Variants in LSM14A observed in about 807,000 individuals in gnomAD.
LSM14A encodes LSM14A mRNA processing body assembly factor.
In LSM14A, 14 loss-of-function variants were observed where a neutral mutation model predicts 52.4. The observed-to-expected ratio is 0.27, with a 90% CI of 0.18 to 0.42. LSM14A has a LOEUF of 0.42. LSM14A is among the 10% of genes least tolerant of loss of function. LSM14A has a pLI of 1.00. For missense variants in LSM14A, 417 were observed against 581.8 expected (o/e 0.72, Z 2.91); for synonymous variants, 185 against 200.3 (o/e 0.92, Z 0.64).
At chr19:34,191,584 T>C (rs1013555094) in intron 1 of LSM14A, among the ~76,000 whole-genome samples, 2 of 152,146 alleles carry the variant, frequency 1.3e-5, no homozygotes, top group Non-Finnish European at 2.9e-5. Context: ...TTCTACTCTT[T>C]TTTTCTTTAG....
chr19:34,188,675 G>A (rs1044556011), intron 1 of LSM14A, among the ~76,000 whole-genome samples: 9 of 151,998 alleles, frequency 5.9e-5, no homozygotes, highest in East Asian at 1.9e-4. Context: ...TTCCTATTTC[G>A]GATATATTAT....
intron 1 of LSM14A, among the ~76,000 whole-genome samples, chr19:34,173,934 CTTTA>C (rs72429939): frequency 0.62 from 93,745 of 150,856 alleles, 30,291 homozygotes; most frequent in African/African-American, 0.76. Context: ...CTGGTAAATC[CTTTA>C]TTTATTTATT....
chr19:34,202,828 G>T (rs977602546), intron 3 of LSM14A, among the ~76,000 whole-genome samples: 3 of 151,922 alleles, frequency 2.0e-5, no homozygotes, highest in Non-Finnish European at 4.4e-5. Context: ...GTAATTTTTT[G>T]TATTTTTTTT....
chr19:34,173,314 C>G (rs1199858312), intron 1 of LSM14A, among the ~76,000 whole-genome samples: 1 of 152,184 alleles, frequency 6.6e-6, no homozygotes, highest in Non-Finnish European at 1.5e-5. Context: ...CCATCTCCCT[C>G]GGCTCATCCT....
chr19:34,184,921 A>T (rs1325819271), intron 1 of LSM14A, among the ~76,000 whole-genome samples: 2 of 152,206 alleles, frequency 1.3e-5, no homozygotes, highest in Non-Finnish European at 2.9e-5. Flanking sequence ...AATTAGCCAC[A>T]TGTAGAGGCT....
At chr19:34,221,060 C>G (rs1262162007) in intron 8 of LSM14A, among the ~76,000 whole-genome samples, 1 of 149,548 alleles carries the variant, frequency 6.7e-6, no homozygotes, top group Non-Finnish European at 1.5e-5. Context: ...ATGAACAACT[C>G]GTGATAACTT....
At chr19:34,184,524 T>G (rs887367160) in intron 1 of LSM14A, among the ~76,000 whole-genome samples, 1 of 152,338 alleles carries the variant, frequency 6.6e-6, no homozygotes, top group African/African-American at 2.4e-5. Flanking sequence ...CATGGTAGAT[T>G]TCAGGGAGTC....
intron 3 of LSM14A, among the ~76,000 whole-genome samples, chr19:34,206,661 A>G (rs145600482): frequency 6.6e-6 from 1 of 152,124 alleles, no homozygotes; most frequent in African/African-American, 2.4e-5. Flanking sequence ...ACGACAGAGC[A>G]AGACTCCATC....
chr19:34,172,928 C>T (rs925448636), intron 1 of LSM14A, among the ~76,000 whole-genome samples, 165 bp downstream of exon 1: 1 of 152,168 alleles, frequency 6.6e-6, no homozygotes, highest in African/African-American at 2.4e-5. Context: ...GGACCGCGGC[C>T]TCCCCGCGGC....
At chr19:34,217,931 A>G (rs925296484) in intron 6 of LSM14A, among the ~76,000 whole-genome samples, 3 of 151,616 alleles carry the variant, frequency 2.0e-5, no homozygotes, top group African/African-American at 7.3e-5. Context: ...TTAACAGAAC[A>G]GTGCATATTC....
intron 1 of LSM14A, among the ~76,000 whole-genome samples, chr19:34,185,488 TGA>T (rs1472794901): frequency 6.6e-6 from 1 of 151,950 alleles, no homozygotes. Context: ...GTGCAAAAAG[TGA>T]GAGTTTGTGG....
chr19:34,198,250 A>T (rs1288279517), intron 3 of LSM14A, among the ~76,000 whole-genome samples: 3 of 152,230 alleles, frequency 2.0e-5, no homozygotes, highest in African/African-American at 7.2e-5. Context: ...TACTTTTTAT[A>T]CAGATGTGAC....
At chr19:34,211,110 C>G (rs1568492956) in intron 4 of LSM14A, among the ~76,000 whole-genome samples, 2 of 151,702 alleles carry the variant, frequency 1.3e-5, no homozygotes, top group African/African-American at 4.8e-5. Context: ...CGAGACCAGC[C>G]TGGCCAACCA....
intron 3 of LSM14A, among the ~76,000 whole-genome samples, chr19:34,199,110 T>C (rs765250614): frequency 1.2e-4 from 18 of 152,140 alleles, no homozygotes; most frequent in Non-Finnish European, 2.1e-4. Flanking sequence ...TTTGTATTAT[T>C]GGTGTTATTA....
chr19:34,214,003 G>A lies in LSM14A; in HGVS notation c.539-1121G>A, dbSNP rs576947796. ...TCGCCATGTTGTTCAGGCTGGTCTCGAACTCCTGAGCTCAAGCGATCTGCC... is the reference window on the plus strand; with the variant it reads ...TCGCCATGTTGTTCAGGCTGGTCTCAAACTCCTGAGCTCAAGCGATCTGCC... On this transcript the variant is annotated intron_variant, in intron 4 of 9. Transcript: ENST00000544216. Among the ~76,000 whole-genome samples the A allele has an allele frequency of 1.7e-3, 252 of 152,008 alleles. 1 individual carries two copies. Among genetic ancestry groups the A allele is most frequent in the Non-Finnish European group, 3.3e-3 (223 of 67,978 alleles).
chr19:34,211,949 A>C (rs962642957), intron 4 of LSM14A, among the ~76,000 whole-genome samples: 4 of 152,222 alleles, frequency 2.6e-5, no homozygotes, highest in Non-Finnish European at 5.9e-5. Context: ...TATTTGAAAA[A>C]TAAAAGTAAT....
rs374190209 is a variant in LSM14A at position 34,221,046 on chromosome 19, T to C, written c.1137-461T>C. On this transcript the variant is annotated intron_variant, in intron 8 of 9. Transcript: ENST00000544216. ...ATTACAGGAACATATTGAACTCATATGCCATGAACAACTCGTGATAACTTA... is the reference window on the plus strand; with the variant it reads ...ATTACAGGAACATATTGAACTCATACGCCATGAACAACTCGTGATAACTTA... Among the ~76,000 whole-genome samples the C allele has an allele frequency of 5.3e-4, 80 of 152,068 alleles. No homozygotes were observed. In the South Asian group the frequency reaches 0.016, roughly 31 times the overall value.
intron 1 of LSM14A, among the ~76,000 whole-genome samples, chr19:34,187,180 C>T (rs1045244044): frequency 1.0e-4 from 15 of 149,972 alleles, no homozygotes; most frequent in Non-Finnish European, 1.8e-4. Flanking sequence ...ACCCAGGAAG[C>T]AGAGGTTGCG....
chr19:34,172,898 G>A, intron 1 of LSM14A, 135 bp downstream of exon 1: 1 of 1,090,582 alleles, frequency 9.2e-7, no homozygotes, highest in Non-Finnish European at 1.2e-6. Flanking sequence ...TCCCTTCTCC[G>A]GGCCCCGGCG....
Sources: gnomAD v4.1 joint callset for allele counts (sites outside exome capture counted in the v4.1 genomes callset) on GRCh38, gnomAD v4.1.1 for gene constraint, MANE v1.5 for transcripts, NCBI Gene and HGNC (gene_info 2026-07-23, HGNC 2026-07-21) for gene names.